The following BFSP1 variants were observed in gnomAD, a reference collection of about 807,000 sequenced individuals.
BFSP1 encodes filensin.
A neutral mutation model predicts 43.9 loss-of-function variants in BFSP1; 38 were observed. The ratio of observed to expected loss-of-function variants is 0.87; its 90% CI spans 0.67 to 1.14. The LOEUF is 1.14. Among genes scored for constraint, BFSP1 ranks in the 50% most tolerant of loss-of-function variants. The pLI is 0.00. For missense variants in BFSP1, 850 were observed against 875.1 expected (o/e 0.97, Z 0.36); for synonymous variants, 352 against 354.8 (o/e 0.99, Z 0.09).
chr20:17,524,747 G>A (rs1224374195), intron 2 of BFSP1, 101 bp downstream of exon 2: 21 of 1,327,612 alleles, frequency 1.6e-5, no homozygotes, highest in Middle Eastern at 3.6e-4. Flanking sequence ...AGTAGTGACC[G>A]CCAAAGTAAC....
intron 1 of BFSP1, among the ~76,000 whole-genome samples, chr20:17,528,981 G>A (rs2123529903): frequency 6.6e-6 from 1 of 152,216 alleles, no homozygotes; most frequent in African/African-American, 2.4e-5. Flanking sequence ...CCCCTCTTGA[G>A]GTCCAGGGTA....
chr20:17,539,442 T>C (rs1244764551), intron 1 of BFSP1, among the ~76,000 whole-genome samples: 1 of 152,110 alleles, frequency 6.6e-6, no homozygotes, highest in African/African-American at 2.4e-5. Context: ...AAATATACAT[T>C]CATATATTCA....
intron 1 of BFSP1, among the ~76,000 whole-genome samples, chr20:17,564,339 C>T (rs1159619621): frequency 6.8e-6 from 1 of 146,324 alleles, no homozygotes; most frequent in Non-Finnish European, 1.5e-5. Context: ...TGCACTCCAG[C>T]CTGGGTGAGA....
At position 17,496,956 on chromosome 20, in the gene BFSP1, T is replaced by G; in HGVS notation, c.1024A>C (p.Thr342Pro). The part of the protein sequence containing the change: ...FTQSHGVSLS[T>P]GSGGKDLTRA... ...GCGTTACCTTTCCCACCGGATCCAG[T>G]GCTGAGAGAGACTCCATGGCTCTGG... Residue 342 changes from threonine to proline, a missense_variant, in exon 7 of 8, where the codon ACT (threonine) becomes CCT (proline). Physicochemically the swap from Thr to Pro is conservative, Grantham distance 38. Transcript: ENST00000377873. The G allele has an allele frequency of 1.3e-6, 2 of 1,542,978 alleles. No homozygotes were observed.
At chr20:17,498,621 GA>G (rs1461132996) in intron 6 of BFSP1, among the ~76,000 whole-genome samples, 198 bp downstream of exon 6, 1 of 152,104 alleles carries the variant, frequency 6.6e-6, no homozygotes, top group Non-Finnish European at 1.5e-5. Context: ...CTCCCTGCGG[GA>G]ACTTCCTCCT....
intron 2 of BFSP1, among the ~76,000 whole-genome samples, chr20:17,520,069 A>G (rs1038067482): frequency 3.3e-5 from 5 of 152,212 alleles, no homozygotes; most frequent in African/African-American, 1.2e-4. Context: ...TATGTCCTAG[A>G]TCTAGACCAG....
Position 17,531,323 on chromosome 20 carries a change from G to T in BFSP1, c.7C>A (p.Arg3=). The T allele has an allele frequency of 6.9e-7, 1 of 1,446,862 alleles. No homozygotes were observed. The highest frequency in any genetic ancestry group is 9.0e-7 in the Non-Finnish European group (1 of 1,106,202). 89.6% of individuals were successfully genotyped at this position (1,446,862 alleles called of 1,614,324 possible). A position where few individuals can be genotyped will look rare whatever the true frequency, so the allele number is the denominator to read the frequency against. Residue 3 remains arginine, a synonymous_variant, in exon 1 of 8, where the codon CGG becomes AGG. Transcript: ENST00000377873. ...CGGGTCTGGAAGACGTAGCTGCGCC[G>T]GTACATGGCTGCTCTGGCGCGGGCG... is the stretch of plus-strand genomic sequence containing the variant. The part of the protein sequence containing the change: MY[R]RSYVFQTRKE...
intron 1 of BFSP1, among the ~76,000 whole-genome samples, chr20:17,528,657 G>C (rs981533904): frequency 1.3e-5 from 2 of 152,164 alleles, no homozygotes; most frequent in African/African-American, 4.8e-5. Context: ...CCACCCACAG[G>C]CCCTCTCCCA....
At chr20:17,537,581 A>AAAAAAAAAC (rs2034648486) in intron 1 of BFSP1, among the ~76,000 whole-genome samples, 1 of 151,872 alleles carries the variant, frequency 6.6e-6, no homozygotes, top group African/African-American at 2.4e-5. Flanking sequence ...AAAAAAAAAA[A>AAAAAAAAAC]AAAAAAAACA....
chr20:17,515,018 C>G (rs1431524219), intron 2 of BFSP1, among the ~76,000 whole-genome samples: 1 of 152,184 alleles, frequency 6.6e-6, no homozygotes, highest in Non-Finnish European at 1.5e-5. Flanking sequence ...GAGCAGTTCT[C>G]AACAGAGGGT....
chr20:17,508,778 G>C, intron 5 of BFSP1, 111 bp downstream of exon 5: 1 of 1,034,684 alleles, frequency 9.7e-7, no homozygotes, highest in South Asian at 1.9e-5. Context: ...CAGGAACATA[G>C]GATATGTTCA....
intron 1 of BFSP1, among the ~76,000 whole-genome samples, chr20:17,526,359 T>C (rs936383338): frequency 5.9e-5 from 9 of 152,110 alleles, no homozygotes; most frequent in African/African-American, 9.7e-5. Context: ...ACAACCACCA[T>C]TGTACTTTCT....
intron 2 of BFSP1, 29 bp from the exon 3 acceptor site, chr20:17,514,845 A>G (rs1411989736): frequency 3.1e-5 from 49 of 1,602,930 alleles, no homozygotes; most frequent in Non-Finnish European, 4.0e-5. Flanking sequence ...ATCCCTGGCC[A>G]CAGGCACCAT....
chr20:17,530,367 T>G (rs2034507938), intron 1 of BFSP1, among the ~76,000 whole-genome samples: 2 of 152,352 alleles, frequency 1.3e-5, no homozygotes, highest in South Asian at 4.1e-4. Context: ...AGTCGCCTCA[T>G]CTGTAAAACA....
chr20:17,557,195 G>A (rs1016503863), intron 1 of BFSP1, among the ~76,000 whole-genome samples: 44 of 152,230 alleles, frequency 2.9e-4, no homozygotes, highest in Non-Finnish European at 2.4e-4. Context: ...GGGCCAGGCC[G>A]TGCAAAGGAG....
intron 1 of BFSP1, among the ~76,000 whole-genome samples, chr20:17,538,162 A>G (rs2034661140): frequency 6.6e-6 from 1 of 151,602 alleles, no homozygotes; most frequent in Non-Finnish European, 1.5e-5. Flanking sequence ...AGGAAAGGAA[A>G]GGAGGAAGGA....
intron 5 of BFSP1, among the ~76,000 whole-genome samples, chr20:17,506,047 G>C (rs2033929193): frequency 1.3e-5 from 2 of 152,228 alleles, no homozygotes; most frequent in South Asian, 4.1e-4. Context: ...AGAAGTCAGA[G>C]AAACGTGTAA....
chr20:17,560,144 A>G (rs1037392263), upstream of BFSP1, among the ~76,000 whole-genome samples: 2 of 151,986 alleles, frequency 1.3e-5, no homozygotes, highest in African/African-American at 4.8e-5. Flanking sequence ...AAGCCAGAGC[A>G]GACCCCAAAG....
intron 2 of BFSP1, 133 bp downstream of exon 2, chr20:17,524,715 G>C: frequency 1.1e-6 from 1 of 918,050 alleles, no homozygotes; most frequent in Non-Finnish European, 1.8e-6. Context: ...AACAAGTCAA[G>C]AGACAGAGTG....
Sources: gnomAD v4.1 joint callset for allele counts (sites outside exome capture counted in the v4.1 genomes callset) on GRCh38, gnomAD v4.1.1 for gene constraint, MANE v1.5 for transcripts, NCBI Gene and HGNC (gene_info 2026-07-23, HGNC 2026-07-21) for gene names.